Variants in TACC3 observed in about 807,000 individuals in gnomAD.
The protein encoded by TACC3 is transforming acidic coiled-coil-containing protein 3.
TACC3 carries 52 observed loss-of-function variants against 86.0 expected under a neutral mutation model. The observed-to-expected ratio is 0.60, with a 90% confidence interval of 0.48 to 0.76. The LOEUF is 0.76. Ranked by LOEUF, TACC3 falls within the 30% of genes least tolerant of loss-of-function variation. The probability of loss-of-function intolerance (pLI) is 0.00; values close to 1 mark genes in which losing one functional copy is unlikely to be tolerated. For missense variants in TACC3, 1,120 were observed against 1,070.4 expected, an observed-to-expected ratio of 1.05 and a Z score of -0.65; for synonymous variants, 512 against 430.0, an observed-to-expected ratio of 1.19 and a Z score of -2.36.
At chr4:1,720,722 C>T, upstream of TACC3, 1 of 1,563,264 alleles carries the variant, frequency 6.4e-7, no homozygotes, top group Non-Finnish European at 8.7e-7. The surrounding 1 kb of genome is among the most constrained non-coding windows in gnomAD (Gnocchi z 4.4). Context: ...GCCCAGCCAG[C>T]CCGACAGCAG....
chr4:1,743,914 G>A (rs1718714850), intron 13 of TACC3, among the ~76,000 whole-genome samples: 1 of 152,210 alleles, frequency 6.6e-6, no homozygotes, highest in Admixed American at 6.5e-5. Context: ...GTGCTTCTGG[G>A]ATACAGGGCT....
intron 3 of TACC3, among the ~76,000 whole-genome samples, chr4:1,727,392 G>C (rs577440457): frequency 4.6e-5 from 7 of 152,316 alleles, no homozygotes; most frequent in South Asian, 2.1e-4. Flanking sequence ...GGCAAAGCGC[G>C]TGATGAGCAC....
Position 1,723,461 on chromosome 4 carries a change from G to C in TACC3, c.40G>C (p.Glu14Gln). The change falls in exon 2 of 16, where the codon GAA (glutamate) becomes CAA (glutamine). Residue 14 changes from glutamate (E) to glutamine (Q), a missense_variant. Physicochemically the swap from Glu to Gln is conservative, Grantham distance 29. Coordinates refer to ENST00000313288, the MANE Select transcript of TACC3 (RefSeq NM_006342.3). Reference protein sequence around the residue: ...QVLNDKNVSNEKNTENCDFLF... With the variant: ...QVLNDKNVSNQKNTENCDFLF... ...CTTAAACGACAAAAATGTCAGCAAT[G>C]AAAAAAATACAGAAAATTGCGACTT... 5.0e-6 allele frequency: 8 copies of C among 1,613,422 alleles called. No individual in the cohort carries two copies. Among genetic ancestry groups the C allele is most frequent in the Non-Finnish European group, 6.8e-6 (8 of 1,179,918 alleles).
At chr4:1,743,439 G>T (rs1718689665) in intron 13 of TACC3, among the ~76,000 whole-genome samples, 1 of 152,214 alleles carries the variant, frequency 6.6e-6, no homozygotes, top group East Asian at 1.9e-4. Flanking sequence ...TGTAGTCCCA[G>T]CTACTTGTGA....
At chr4:1,726,346 C>G (rs1040921101) in intron 3 of TACC3, among the ~76,000 whole-genome samples, 3 of 152,184 alleles carry the variant, frequency 2.0e-5, no homozygotes, top group African/African-American at 7.2e-5. Context: ...AAGGCTTTGA[C>G]TGTCCCTGGC....
At position 1,723,826 on chromosome 4, in the gene TACC3, C is replaced by T; in HGVS notation, c.261C>T (p.Thr87=). Reference sequence around the variant, plus strand: ...AGGCTCCTTTCACTCAGGATGACACCCTTGGACTGGAAAACTCACACCCGG... The same window carrying T: ...AGGCTCCTTTCACTCAGGATGACACTCTTGGACTGGAAAACTCACACCCGG... ...KLEAPFTQDD[T]LGLENSHPVW... is the part of the protein sequence containing the mutation. The change falls in exon 3 of 16, where the codon ACC becomes ACT. Residue 87 remains threonine, a synonymous_variant. Coordinates refer to ENST00000313288, the MANE Select transcript of TACC3 (RefSeq NM_006342.3). 1 of 1,613,596 alleles carries T rather than the reference C, an allele frequency of 6.2e-7. No individual in the cohort carries two copies. Among genetic ancestry groups the T allele is most frequent in the South Asian group, 1.1e-5 (1 of 91,084 alleles).
chr4:1,729,968 T>G (rs894401361), intron 4 of TACC3, among the ~76,000 whole-genome samples: 19 of 152,220 alleles, frequency 1.2e-4, no homozygotes, highest in Non-Finnish European at 5.9e-5. Context: ...ACACACCTCT[T>G]CCGGTCACTT....
chr4:1,737,793 C>T (rs993297988), intron 10 of TACC3, 91 bp downstream of exon 10: 8 of 452,390 alleles, frequency 1.8e-5, no homozygotes, highest in Admixed American at 4.6e-5. Flanking sequence ...GCCTGACCCG[C>T]CATCCCTGCC....
At chr4:1,733,642 C>G (rs1421005042) in intron 6 of TACC3, among the ~76,000 whole-genome samples, 1 of 151,950 alleles carries the variant, frequency 6.6e-6, no homozygotes, top group South Asian at 2.1e-4. Context: ...TGGGCGACAG[C>G]GAGACCCTAT....
At chr4:1,729,808 C>T (rs1307066901) in intron 4 of TACC3, among the ~76,000 whole-genome samples, 1 of 152,112 alleles carries the variant, frequency 6.6e-6, no homozygotes, top group Non-Finnish European at 1.5e-5. Flanking sequence ...GAAAGGGAGA[C>T]TCCCTTTCCC....
intron 12 of TACC3, 137 bp downstream of exon 12, chr4:1,740,139 G>C (rs572551968): frequency 0.017 from 13,867 of 836,638 alleles, 258 homozygotes; most frequent in Non-Finnish European, 0.018. Flanking sequence ...CTTCAACATG[G>C]GCCCGGCCGT....
intron 5 of TACC3, 32 bp downstream of exon 5, chr4:1,730,994 C>T: frequency 6.2e-7 from 1 of 1,612,556 alleles, no homozygotes; most frequent in Non-Finnish European, 8.5e-7. Context: ...ACCTGTGCTC[C>T]TGGCCTGGTC....
intron 9 of TACC3, 128 bp from the exon 10 acceptor site, chr4:1,737,470 G>A (rs996173066): frequency 2.8e-5 from 30 of 1,078,208 alleles, no homozygotes; most frequent in African/African-American, 1.6e-4. Flanking sequence ...TTCCCTCGCC[G>A]CACTGTCTCG....
chr4:1,728,743 G>A lies in TACC3; in HGVS notation c.1341G>A (p.Leu447=), dbSNP rs957605192. The change falls in exon 4 of 16, where the codon TTG becomes TTA. Residue 447 remains leucine (L), a synonymous_variant. Coordinates refer to ENST00000313288, the MANE Select transcript of TACC3 (RefSeq NM_006342.3). ...TRLGQPAAEQ[L]HAGPATEEPG... ...TGGGCCAGCCAGCGGCTGAACAGTT[G>A]CATGCTGGGCCTGCCACGGAGGAGC... The A allele has an allele frequency of 1.2e-6, 2 of 1,612,084 alleles. No individual in the cohort carries two copies. Among genetic ancestry groups the A allele is most frequent in the African/African-American group, 2.7e-5 (2 of 74,902 alleles).
In TACC3 at chr4:1,728,557, C is replaced by T. The variant is rs768186326; in HGVS notation, c.1155C>T (p.Asp385=). The T allele has an allele frequency of 1.4e-5, 23 of 1,613,834 alleles. No homozygotes were observed. The highest frequency in any genetic ancestry group is 1.9e-5 in the Non-Finnish European group (22 of 1,179,962). The stretch of plus-strand genomic sequence containing the variant: ...CCCCGCAGGAGGTGGAGGAGGACGA[C>T]GGTAGGAGCGGAGCAGGAGAGGACC... ...QKAPQEVEED[D]GRSGAGEDPP... The change falls in exon 4 of 16, where the codon GAC becomes GAT. Residue 385 remains aspartate (D), a synonymous_variant. Coordinates refer to ENST00000313288, the MANE Select transcript of TACC3 (RefSeq NM_006342.3).
At chr4:1,725,984 G>C (rs748406362) in intron 3 of TACC3, among the ~76,000 whole-genome samples, 3 of 152,212 alleles carry the variant, frequency 2.0e-5, no homozygotes, top group Non-Finnish European at 4.4e-5. Flanking sequence ...CTTAGAGTTG[G>C]AAGAGAAGGG....
In TACC3 at chr4:1,728,679, G is replaced by T. The variant is rs761075657; in HGVS notation, c.1277G>T (p.Cys426Phe). The stretch of plus-strand genomic sequence containing the variant: ...TTCGGAGGTGACACCAAGTCTGGTT[G>T]CAGTGAGGCCCAGCCCCCAGAAAGC... ...IPFGGDTKSG[C>F]SEAQPPESPE... Residue 426 changes from cysteine to phenylalanine, a missense_variant, in exon 4 of 16, where the codon TGC becomes TTC. Transcript: ENST00000313288. 3.7e-6 allele frequency: 6 copies of T among 1,613,778 alleles called. No homozygotes were observed. The highest frequency in any genetic ancestry group is 5.1e-6 in the Non-Finnish European group (6 of 1,180,028).
chr4:1,733,047 G>A (rs1230661143), intron 6 of TACC3, among the ~76,000 whole-genome samples: 1 of 152,148 alleles, frequency 6.6e-6, no homozygotes, highest in Non-Finnish European at 1.5e-5. Context: ...ATTCCCACTG[G>A]CAGTTATAAG....
chr4:1,728,585 C>T lies in TACC3; in HGVS notation c.1183C>T (p.Pro395Ser). 1.2e-6 allele frequency: 2 copies of T among 1,613,996 alleles called. No individual in the cohort carries two copies. Among genetic ancestry groups the T allele is most frequent in the Non-Finnish European group, 1.7e-6 (2 of 1,180,000 alleles). ...TAGGAGCGGAGCAGGAGAGGACCCC[C>T]CCATGCCAGCTTCTCGGGGCTCTTA... ...DGRSGAGEDP[P>S]MPASRGSYHL... Residue 395 changes from proline to serine, a missense_variant, in exon 4 of 16, where the codon CCC becomes TCC. Transcript: ENST00000313288.
Sources: gnomAD v4.1 joint callset for allele counts (sites outside exome capture counted in the v4.1 genomes callset) on GRCh38, gnomAD v4.1.1 for gene constraint, Gnocchi (gnomAD v3.1) non-coding constraint, MANE v1.5 for transcripts, NCBI Gene and HGNC (gene_info 2026-07-23, HGNC 2026-07-21) for gene names.